Variants in MACC1 observed in about 807,000 individuals in gnomAD.
MACC1 encodes the protein metastasis-associated in colon cancer protein 1.
MACC1 carries 79 observed loss-of-function variants against 70.7 expected under a neutral mutation model. The observed-to-expected ratio is 1.12, with a 90% confidence interval of 0.93 to 1.35. The LOEUF is 1.35. Among genes scored for constraint, MACC1 ranks in the 40% most tolerant of loss-of-function variants. The pLI is 0.00. For missense variants in MACC1, 1,106 were observed against 978.1 expected, an observed-to-expected ratio of 1.13 and a Z score of -1.74; for synonymous variants, 361 against 347.2, an observed-to-expected ratio of 1.04 and a Z score of -0.44.
chr7:20,211,655 A>G (rs1782998258), intron 1 of MACC1, among the ~76,000 whole-genome samples: 1 of 152,208 alleles, frequency 6.6e-6, no homozygotes, highest in South Asian at 2.1e-4. Flanking sequence ...AGGAACTCCT[A>G]TTTTGGCTGG....
At chr7:20,208,228 A>G (rs1782943004) in intron 1 of MACC1, among the ~76,000 whole-genome samples, 1 of 152,228 alleles carries the variant, frequency 6.6e-6, no homozygotes, top group Non-Finnish European at 1.5e-5. Context: ...TTGGTACAAG[A>G]AGTGAGGTGC....
chr7:20,210,521 C>T (rs17142579), intron 1 of MACC1, among the ~76,000 whole-genome samples: 3,820 of 152,246 alleles, frequency 0.025, 125 homozygotes, highest in African/African-American at 0.072. Context: ...GAATGAATGA[C>T]GCTACCTACG....
At chr7:20,168,412 T>G (rs901259010) in intron 2 of MACC1, among the ~76,000 whole-genome samples, 1 of 152,160 alleles carries the variant, frequency 6.6e-6, no homozygotes, top group Non-Finnish European at 1.5e-5. Context: ...CACATTTGGC[T>G]CTCCACTTTC....
intron 6 of MACC1, among the ~76,000 whole-genome samples, chr7:20,144,897 G>T (rs1363980290): frequency 6.6e-6 from 1 of 152,154 alleles, no homozygotes; most frequent in Admixed American, 6.6e-5. Flanking sequence ...CGCAATAAAA[G>T]GATGGGGAGA....
At chr7:20,180,023 A>G (rs1275962858) in intron 1 of MACC1, among the ~76,000 whole-genome samples, 1 of 152,072 alleles carries the variant, frequency 6.6e-6, no homozygotes, top group Non-Finnish European at 1.5e-5. Flanking sequence ...AAAGAGTGTC[A>G]AAACCTGAAG....
intron 1 of MACC1, among the ~76,000 whole-genome samples, chr7:20,180,143 T>G (rs745738706): frequency 1.3e-5 from 2 of 152,124 alleles, no homozygotes; most frequent in Non-Finnish European, 2.9e-5. Context: ...AGAAAGTATG[T>G]TCAAAAATAT....
chr7:20,208,936 C>A (rs1782954453), intron 1 of MACC1, among the ~76,000 whole-genome samples: 1 of 152,226 alleles, frequency 6.6e-6, no homozygotes, highest in Non-Finnish European at 1.5e-5. Flanking sequence ...GATCAAGGTA[C>A]AGCTCAGGTC....
In MACC1 at chr7:20,138,273, C is replaced by T. The variant is rs1781747383; in HGVS notation, c.*2673G>A. The stretch of plus-strand genomic sequence containing the variant: ...TGTTTCATCCTCAAATTACAGAGAT[C>T]TTGTTTTTCATTTTTTTAAACTCTT... On this transcript the variant is annotated 3_prime_UTR_variant, in exon 7 of 7. Transcript: ENST00000400331. The T allele has an allele frequency of 6.7e-6, 1 of 150,220 alleles. No homozygotes were observed. Among genetic ancestry groups the T allele is most frequent in the Non-Finnish European group, 1.5e-5 (1 of 67,642 alleles). 9.3% of individuals were successfully genotyped at this position (150,220 alleles called of 1,614,324 possible).
chr7:20,149,743 T>C (rs2128101178), intron 6 of MACC1, among the ~76,000 whole-genome samples: 1 of 152,302 alleles, frequency 6.6e-6, no homozygotes, highest in Admixed American at 6.5e-5. Context: ...TTAGAAGCAC[T>C]GAAGTCTACT....
At chr7:20,177,418 A>G (rs1226537140) in intron 1 of MACC1, among the ~76,000 whole-genome samples, 3 of 152,104 alleles carry the variant, frequency 2.0e-5, no homozygotes, top group Non-Finnish European at 4.4e-5. Context: ...AAATTGTCTC[A>G]GTCTCTTGTA....
At chr7:20,172,893 G>C (rs1782330853) in intron 1 of MACC1, among the ~76,000 whole-genome samples, 1 of 152,190 alleles carries the variant, frequency 6.6e-6, no homozygotes, top group South Asian at 2.1e-4. Context: ...TGATCAGCTG[G>C]GGAGACGGGA....
chr7:20,160,053 A>G lies in MACC1; in HGVS notation c.308T>C (p.Phe103Ser), dbSNP rs1427224636. The change falls in exon 5 of 7, where the codon TTC becomes TCC. Residue 103 changes from phenylalanine to serine, a missense_variant. Phe to Ser is a radical substitution (Grantham distance 155). Transcript: ENST00000400331. Reference sequence around the variant, plus strand: ...ATTTCCATTTTCTATTTCTCTACAGAAAAGAAAAGGATCTTCCTTTAAGAT... The same window carrying G: ...ATTTCCATTTTCTATTTCTCTACAGGAAAGAAAAGGATCTTCCTTTAAGAT... ...ISILKEDPFL[F>S]CREIENGNSF... 1 of 1,610,582 alleles carries G rather than the reference A, an allele frequency of 6.2e-7. No homozygotes were observed. Among genetic ancestry groups the G allele is most frequent in the Non-Finnish European group, 8.5e-7 (1 of 1,179,034 alleles).
intron 1 of MACC1, among the ~76,000 whole-genome samples, chr7:20,203,020 T>C (rs1356035356): frequency 6.6e-6 from 1 of 152,230 alleles, no homozygotes; most frequent in Non-Finnish European, 1.5e-5. Context: ...AATTGTATTT[T>C]TGTCCACCAC....
intron 1 of MACC1, among the ~76,000 whole-genome samples, chr7:20,201,616 G>A (rs763893510): frequency 2.0e-5 from 3 of 152,210 alleles, no homozygotes; most frequent in Non-Finnish European, 2.9e-5. Context: ...GATCTCATCT[G>A]TGATTTACAT....
chr7:20,158,161 A>T (rs945771410), intron 5 of MACC1, 43 bp downstream of exon 5: 8 of 1,521,538 alleles, frequency 5.3e-6, no homozygotes, highest in Non-Finnish European at 6.1e-6. Context: ...AAGTTAATAC[A>T]ATTCTCGATG....
chr7:20,175,344 T>C (rs2128105106), intron 1 of MACC1, among the ~76,000 whole-genome samples: 1 of 152,204 alleles, frequency 6.6e-6, no homozygotes, highest in Admixed American at 6.5e-5. Flanking sequence ...ATGTACAAAA[T>C]ATATACACAT....
intron 1 of MACC1, among the ~76,000 whole-genome samples, chr7:20,179,477 C>T (rs3114456): frequency 0.49 from 73,784 of 151,962 alleles, 19,659 homozygotes; most frequent in East Asian, 0.85. Context: ...CAGTGGATTT[C>T]GGTTGCCTCC....
rs1432822159 is a variant in MACC1, at chr7:20,139,661, T to C, written c.*1285A>G. 1 of 152,184 alleles carries C rather than the reference T, an allele frequency of 6.6e-6. No homozygotes were observed. The highest frequency in any genetic ancestry group is 1.5e-5 in the Non-Finnish European group (1 of 68,038). 9.4% of individuals were successfully genotyped at this position (152,184 alleles called of 1,614,324 possible). A position where few individuals can be genotyped will look rare whatever the true frequency, so the allele number is the denominator to read the frequency against. ...GACAATAAATGAATGTCTGTCCAAA[T>C]ACACACATAAACACTGGCAGGCAAC... On this transcript the variant is annotated 3_prime_UTR_variant, in exon 7 of 7. Transcript: ENST00000400331.
chr7:20,141,648 C>A (rs1427414120), intron 6 of MACC1, among the ~76,000 whole-genome samples: 1 of 152,036 alleles, frequency 6.6e-6, no homozygotes, highest in Non-Finnish European at 1.5e-5. Context: ...AAAAATCTAG[C>A]TTCTTGATCA....
Sources: gnomAD v4.1 joint callset for allele counts (sites outside exome capture counted in the v4.1 genomes callset) on GRCh38, gnomAD v4.1.1 for gene constraint, MANE v1.5 for transcripts, NCBI Gene and HGNC (gene_info 2026-07-23, HGNC 2026-07-21) for gene names.